The following UBASH3B variants were observed in gnomAD, a reference collection of about 807,000 sequenced individuals.
The protein encoded by UBASH3B is ubiquitin associated and SH3 domain containing B, also known as ubiquitin-associated and SH3 domain-containing protein B.
Under a neutral mutation model 83.4 loss-of-function variants are expected in UBASH3B, and 37 were observed. The ratio of observed to expected loss-of-function variants is 0.44; its 90% CI spans 0.34 to 0.58. UBASH3B has a LOEUF of 0.58. Among genes scored for constraint, UBASH3B ranks in the 20% least tolerant of loss-of-function variants. UBASH3B has a pLI of 0.01. For missense variants in UBASH3B, 657 were observed against 827.2 expected (o/e 0.79, Z 2.52); for synonymous variants, 304 against 318.3 (o/e 0.96, Z 0.48).
chr11:122,656,311 C>CGGGGA, intron 1 of UBASH3B, 101 bp downstream of exon 1: 2 of 1,171,260 alleles, frequency 1.7e-6, no homozygotes, highest in Non-Finnish European at 2.2e-6. Context: ...GGACAGGCAG[C>CGGGGA]GCGCTCCCCG....
At chr11:122,794,239 C>T (rs7932392) in intron 6 of UBASH3B, among the ~76,000 whole-genome samples, 73,954 of 151,834 alleles carry the variant, frequency 0.49, 19,814 homozygotes, top group African/African-American at 0.71. Context: ...GGGGTTTCGC[C>T]GTATCGCCCG....
intron 1 of UBASH3B, among the ~76,000 whole-genome samples, chr11:122,761,228 C>G (rs768617456): frequency 4.6e-5 from 7 of 152,176 alleles, no homozygotes; most frequent in African/African-American, 7.2e-5. Context: ...GTAGAAAGGC[C>G]TCAGCTTAGT....
In UBASH3B at chr11:122,715,504, G is replaced by A. The variant is rs547371820; in HGVS notation, c.161+59294G>A. On this transcript the variant is annotated intron_variant, in intron 1 of 13. Coordinates refer to ENST00000284273, the MANE Select transcript of UBASH3B (RefSeq NM_032873.5). The stretch of plus-strand genomic sequence containing the variant: ...GAACCTCTGAGGCTGTTGTAGCTTT[G>A]GCATAGCTATCATCTTTTAGGGCCA... Among the ~76,000 whole-genome samples, 42 of 152,240 alleles carry A rather than the reference G, an allele frequency of 2.8e-4. No homozygotes were observed. The South Asian group carries it at 7.5e-3, about 27-fold the overall frequency.
intron 1 of UBASH3B, among the ~76,000 whole-genome samples, chr11:122,729,819 A>AC (rs1860809374): frequency 7.4e-6 from 1 of 135,274 alleles, no homozygotes; most frequent in African/African-American, 2.7e-5. Context: ...AAAAAAAAAA[A>AC]CCCTAAAAAG....
intron 1 of UBASH3B, among the ~76,000 whole-genome samples, chr11:122,771,739 C>T (rs976861647): frequency 1.5e-5 from 2 of 136,938 alleles, no homozygotes; most frequent in African/African-American, 5.4e-5. Context: ...AACTTAAGAG[C>T]TGTGTTAAAA....
chr11:122,682,530 AG>A (rs922718063), intron 1 of UBASH3B, among the ~76,000 whole-genome samples: 1 of 152,190 alleles, frequency 6.6e-6, no homozygotes, highest in African/African-American at 2.4e-5. Flanking sequence ...TAAAAAGTTG[AG>A]AAACACTTCT....
intron 5 of UBASH3B, among the ~76,000 whole-genome samples, chr11:122,787,536 C>T (rs1042142009): frequency 7.9e-5 from 12 of 152,184 alleles, no homozygotes. Flanking sequence ...TAGCGATTTC[C>T]AGAAGGAAAT....
intron 1 of UBASH3B, among the ~76,000 whole-genome samples, chr11:122,718,936 T>C (rs981197054): frequency 6.6e-6 from 1 of 152,040 alleles, no homozygotes; most frequent in Non-Finnish European, 1.5e-5. Flanking sequence ...ACCTGGGAGG[T>C]TGAGGCAGGA....
chr11:122,736,126 A>T (rs1341227840), intron 1 of UBASH3B, among the ~76,000 whole-genome samples: 5 of 152,152 alleles, frequency 3.3e-5, no homozygotes, highest in African/African-American at 9.7e-5. Flanking sequence ...CTCATTTAGG[A>T]TGCTTTGGTA....
intron 1 of UBASH3B, among the ~76,000 whole-genome samples, chr11:122,770,203 G>A (rs998340817): frequency 3.9e-5 from 6 of 152,208 alleles, no homozygotes; most frequent in Admixed American, 3.9e-4. Context: ...GGACAATACA[G>A]CTCCAAGTAA....
rs1565570850 is a variant in UBASH3B at position 122,798,929 on chromosome 11, GT to G, written c.1358-9del. 1 of 1,612,388 alleles carries G rather than the reference GT, an allele frequency of 6.2e-7. No homozygotes were observed. Among genetic ancestry groups the G allele is most frequent in the Non-Finnish European group, 8.5e-7 (1 of 1,179,098 alleles). On this transcript the variant is annotated splice_polypyrimidine_tract_variant and intron_variant, in intron 9 of 13. Transcript: ENST00000284273. ...AATCCATCAGACTGATTTTTTTGTG[GT>G]TTTCTTTGCAGGTGAAGCCTTATTA...
At chr11:122,809,295 G>A (rs771317433) in intron 13 of UBASH3B, among the ~76,000 whole-genome samples, 1 of 152,084 alleles carries the variant, frequency 6.6e-6, no homozygotes, top group Non-Finnish European at 1.5e-5. Context: ...GGCTGGTCTC[G>A]AACTCTTGAC....
chr11:122,657,427 C>A (rs1295895738), intron 1 of UBASH3B, among the ~76,000 whole-genome samples: 1 of 151,932 alleles, frequency 6.6e-6, no homozygotes, highest in Admixed American at 6.6e-5. Context: ...TAGCTGGGAC[C>A]ATAGACATGC....
At chr11:122,675,227 C>G (rs1257262487) in intron 1 of UBASH3B, among the ~76,000 whole-genome samples, 1 of 152,216 alleles carries the variant, frequency 6.6e-6, no homozygotes, top group Non-Finnish European at 1.5e-5. Context: ...TTTAAACTTG[C>G]ACACAGAGCT....
At chr11:122,789,913 T>C (rs763955694) in intron 6 of UBASH3B, among the ~76,000 whole-genome samples, 1 of 152,178 alleles carries the variant, frequency 6.6e-6, no homozygotes, top group Non-Finnish European at 1.5e-5. Flanking sequence ...TTTCCACCCG[T>C]CCCTCATTAC....
At position 122,809,972 on chromosome 11, in the gene UBASH3B, C is replaced by CT. The variant is rs1179285947; in HGVS notation, c.*87dup. On this transcript the variant is annotated 3_prime_UTR_variant, in exon 14 of 14. Coordinates refer to ENST00000284273, the MANE Select transcript of UBASH3B (RefSeq NM_032873.5). Reference sequence around the variant, plus strand: ...ACAGTGGGAAAATCCACACCACACTCTAAGTGGACAGCTCAGAATAATTTA... The same window carrying CT: ...ACAGTGGGAAAATCCACACCACACTCTTAAGTGGACAGCTCAGAATAATTTA... 1.4e-6 allele frequency: 2 copies of CT among 1,469,490 alleles called. No homozygotes were observed. The highest frequency in any genetic ancestry group is 2.3e-5 in the East Asian group (1 of 43,984). The allele number at this position is 1,469,490 out of a possible 1,614,324, so 91.0% of individuals were successfully genotyped here. A position where few individuals can be genotyped will look rare whatever the true frequency, so the allele number is the denominator to read the frequency against.
Position 122,806,824 on chromosome 11 carries a change from G to A in UBASH3B, c.1702+308G>A, listed in dbSNP as rs1035783325. Among the ~76,000 whole-genome samples the A allele has an allele frequency of 6.6e-6, 1 of 152,124 alleles. No individual in the cohort carries two copies. The highest frequency in any genetic ancestry group is 1.5e-5 in the Non-Finnish European group (1 of 68,040). ...TTTCCAAAAGCTCTAGCATGCCACT[G>A]TTTTGCCTATAATTGATGCAGCGGC... On this transcript the variant is annotated intron_variant, in intron 12 of 13. Transcript: ENST00000284273. The surrounding 1 kb of genome is among the most constrained non-coding windows in gnomAD (Gnocchi z 4.0).
intron 1 of UBASH3B, among the ~76,000 whole-genome samples, chr11:122,721,419 C>CT (rs1298258684): frequency 2.0e-5 from 3 of 151,896 alleles, no homozygotes; most frequent in Non-Finnish European, 2.9e-5. Flanking sequence ...ACCACTAAAT[C>CT]TTTTTTGCTA....
chr11:122,656,308 C>T, intron 1 of UBASH3B, 98 bp downstream of exon 1: 1 of 1,188,880 alleles, frequency 8.4e-7, no homozygotes, highest in Non-Finnish European at 1.1e-6. Flanking sequence ...GCGGGACAGG[C>T]AGCGCGCTCC....
Sources: gnomAD v4.1 joint callset for allele counts (sites outside exome capture counted in the v4.1 genomes callset) on GRCh38, gnomAD v4.1.1 for gene constraint, Gnocchi (gnomAD v3.1) non-coding constraint, MANE v1.5 for transcripts, NCBI Gene and HGNC (gene_info 2026-07-23, HGNC 2026-07-21) for gene names.